The following SOX6 variants were observed in gnomAD, a reference collection of about 807,000 sequenced individuals.
SOX6 encodes the protein transcription factor SOX-6.
In SOX6, 11 loss-of-function variants were observed where a neutral mutation model predicts 97.8. The ratio of observed to expected loss-of-function variants is 0.11; its 90% CI spans 0.07 to 0.19. The LOEUF (loss-of-function observed/expected upper bound fraction) is 0.19, where lower values mean the gene tolerates loss of function less well. Ranked by LOEUF, SOX6 falls within the 10% of genes least tolerant of loss-of-function variation. The pLI is 1.00. For synonymous variants in SOX6, 360 were observed against 371.4 expected (o/e 0.97, Z 0.35); for missense variants, 810 against 1,039.5 (o/e 0.78, Z 3.04).
intron 1 of SOX6, among the ~76,000 whole-genome samples, chr11:16,435,770 T>G (rs1028662285): frequency 1.3e-5 from 2 of 152,168 alleles, no homozygotes; most frequent in South Asian, 2.1e-4. Context: ...AAAAAAAAGT[T>G]TCTTCTCCCT....
intron 1 of SOX6, among the ~76,000 whole-genome samples, chr11:16,461,924 A>G (rs1859938135): frequency 6.6e-6 from 1 of 152,120 alleles, no homozygotes; most frequent in Non-Finnish European, 1.5e-5. Flanking sequence ...TTATGTCTAG[A>G]CTCTAAGGTT....
chr11:15,976,759 A>G (rs1380785582), intron 15 of SOX6, among the ~76,000 whole-genome samples: 1 of 152,102 alleles, frequency 6.6e-6, no homozygotes, highest in Non-Finnish European at 1.5e-5. Context: ...CCAAAGAATA[A>G]CATTTGGTTC....
chr11:16,432,268 A>G (rs142529673), intron 1 of SOX6, among the ~76,000 whole-genome samples: 330 of 152,268 alleles, frequency 2.2e-3, no homozygotes, highest in Admixed American at 4.8e-3. Context: ...ATGAAAAGAC[A>G]TCAGCACCAT....
intron 7 of SOX6, among the ~76,000 whole-genome samples, chr11:16,103,156 C>T (rs1215835729): frequency 1.3e-5 from 2 of 151,658 alleles, no homozygotes; most frequent in African/African-American, 4.8e-5. Flanking sequence ...CCAGAATCTA[C>T]AAAGAACTCA....
chr11:16,404,052 A>G (rs1214129786), intron 1 of SOX6, among the ~76,000 whole-genome samples: 1 of 151,694 alleles, frequency 6.6e-6, no homozygotes, highest in Non-Finnish European at 1.5e-5. Context: ...ACACTGTAAA[A>G]GTGTCTTCCA....
chr11:16,534,197 T>C (rs761856181), intron 4 of SOX6, among the ~76,000 whole-genome samples: 1 of 152,102 alleles, frequency 6.6e-6, no homozygotes, highest in African/African-American at 2.4e-5. Flanking sequence ...ACAATATTGG[T>C]TGGTGATGCA....
intron 1 of SOX6, among the ~76,000 whole-genome samples, chr11:16,353,648 A>G (rs1486653752): frequency 6.6e-6 from 1 of 152,056 alleles, no homozygotes; most frequent in African/African-American, 2.4e-5. Flanking sequence ...AAACAGCTCC[A>G]GGAGAACATG....
In SOX6 at chr11:16,224,533, G is replaced by A. The variant is rs79070029; in HGVS notation, c.535+10049C>T. Among the ~76,000 whole-genome samples the A allele has an allele frequency of 9.3e-3, 1,414 of 152,076 alleles. 28 individuals carry two copies. Among genetic ancestry groups the A allele is most frequent in the African/African-American group, 0.032 (1,321 of 41,530 alleles). ...ACCTTGTGTCTCTAACCCCAAGTGG[G>A]GGGAGGTTTTAATTGCTTTTATGTA... On this transcript the variant is annotated intron_variant, in intron 4 of 15. Coordinates refer to ENST00000683767, the MANE Select transcript of SOX6 (RefSeq NM_001367873.1).
intron 3 of SOX6, among the ~76,000 whole-genome samples, chr11:16,236,407 T>C (rs1239991675): frequency 1.3e-5 from 2 of 152,060 alleles, no homozygotes; most frequent in African/African-American, 4.8e-5. Context: ...CACAGATTGC[T>C]TTTTCTCAAA....
At chr11:16,638,670 T>C (rs1848835771) in intron 3 of SOX6, among the ~76,000 whole-genome samples, 1 of 152,246 alleles carries the variant, frequency 6.6e-6, no homozygotes, top group Admixed American at 6.5e-5. Flanking sequence ...TGATGGCCAG[T>C]GATGATGAGC....
intron 1 of SOX6, among the ~76,000 whole-genome samples, chr11:16,384,905 G>A (rs1036776592): frequency 6.6e-6 from 1 of 152,030 alleles, no homozygotes; most frequent in Non-Finnish European, 1.5e-5. Flanking sequence ...TAGAGAAAAT[G>A]CCAGAGAGCT....
chr11:16,272,424 C>G (rs1016518484), intron 3 of SOX6, among the ~76,000 whole-genome samples: 1 of 151,628 alleles, frequency 6.6e-6, no homozygotes, highest in African/African-American at 2.4e-5. Context: ...ATTTGCCCAC[C>G]TAGCCAAAAT....
intron 6 of SOX6, among the ~76,000 whole-genome samples, chr11:16,169,443 A>T (rs552029145): frequency 1.6e-4 from 24 of 152,286 alleles, no homozygotes; most frequent in African/African-American, 5.3e-4. Flanking sequence ...AAAAATTAAG[A>T]TAAATGGCTA....
At chr11:16,585,046 A>G (rs556446493) in intron 4 of SOX6, among the ~76,000 whole-genome samples, 2 of 152,220 alleles carry the variant, frequency 1.3e-5, no homozygotes, top group Non-Finnish European at 2.9e-5. Flanking sequence ...AAAAATGAAG[A>G]GGTTATAATA....
rs565869777 is a variant in SOX6, at chr11:16,522,819, TG to T, written n.610-46432del. 3.1e-3 allele frequency among the ~76,000 whole-genome samples: 476 copies of T among 152,088 alleles called. 4 individuals are homozygous for T. Among genetic ancestry groups the T allele is most frequent in the African/African-American group, 0.011 (449 of 41,524 alleles). On this transcript the variant is annotated intron_variant and non_coding_transcript_variant, in intron 4 of 5. Transcript: ENST00000524520. ...AGCAAATGGAAAGCAAAAAAAGGCA[TG>T]GGTTGCAATCCTAGTCTCTGATAAA...
At chr11:16,512,175 C>T (rs978899169) in intron 4 of SOX6, among the ~76,000 whole-genome samples, 4 of 152,160 alleles carry the variant, frequency 2.6e-5, no homozygotes, top group African/African-American at 9.6e-5. Context: ...GAAAAGAGTA[C>T]TAAGGGCTAT....
At chr11:16,673,978 A>G (rs2134025883) in intron 3 of SOX6, among the ~76,000 whole-genome samples, 1 of 152,084 alleles carries the variant, frequency 6.6e-6, no homozygotes, top group East Asian at 1.9e-4. Flanking sequence ...TCACAAGGTC[A>G]GGAGATCAAG....
chr11:16,233,667 C>T (rs1852925012), intron 4 of SOX6, among the ~76,000 whole-genome samples: 1 of 151,958 alleles, frequency 6.6e-6, no homozygotes, highest in Non-Finnish European at 1.5e-5. Flanking sequence ...CTTAATGAGC[C>T]TATGAAGGAA....
intron 4 of SOX6, among the ~76,000 whole-genome samples, chr11:16,199,721 AAAG>A (rs1240582630): frequency 3.2e-4 from 48 of 152,196 alleles, no homozygotes; most frequent in Admixed American, 3.1e-3. Context: ...GTGAACAGTA[AAAG>A]AAGTCTGATG....
Sources: gnomAD v4.1 joint callset for allele counts (sites outside exome capture counted in the v4.1 genomes callset) on GRCh38, gnomAD v4.1.1 for gene constraint, MANE v1.5 for transcripts, NCBI Gene and HGNC (gene_info 2026-07-23, HGNC 2026-07-21) for gene names.